The following TASP1 variants were observed in gnomAD, a reference collection of about 807,000 sequenced individuals.
TASP1 encodes the protein threonine aspartase 1.
In TASP1, 16 loss-of-function variants were observed where a neutral mutation model predicts 56.6. The observed-to-expected ratio is 0.28, with a 90% CI of 0.19 to 0.43. The LOEUF (loss-of-function observed/expected upper bound fraction) is 0.43. TASP1 is among the 20% of genes least tolerant of loss of function. The pLI is 1.00. For synonymous variants in TASP1, 179 were observed against 184.2 expected (o/e 0.97, Z 0.23); for missense variants, 393 against 511.6 (o/e 0.77, Z 2.24).
intron 4 of TASP1, among the ~76,000 whole-genome samples, chr20:13,594,371 T>C (rs1254662687): frequency 1.3e-5 from 2 of 152,184 alleles, no homozygotes; most frequent in Non-Finnish European, 2.9e-5. Flanking sequence ...GGATGGAGAA[T>C]GACTTTGAGG....
At chr20:13,299,322 G>A in the TASP1 span, 86 of 1,613,900 alleles carry the variant, frequency 5.3e-5, no homozygotes, top group East Asian at 8.9e-4. This position sits in a 1 kb window ranked among gnomAD's most constrained non-coding sequence, Gnocchi z 5.8. Context: ...CAAGGTGGAC[G>A]TCCTGCCCTG....
the TASP1 span, among the ~76,000 whole-genome samples, chr20:13,361,328 C>T: frequency 0.3 from 44,792 of 151,710 alleles, 7,754 homozygotes; most frequent in African/African-American, 0.48. Context: ...CAGTTTAGCC[C>T]TCCCACCTCA....
chr20:13,155,152 C>T, the TASP1 span, among the ~76,000 whole-genome samples: 1 of 151,890 alleles, frequency 6.6e-6, no homozygotes, highest in Non-Finnish European at 1.5e-5. Context: ...TGCACTCCAG[C>T]CTAGGTGACT....
chr20:13,275,749 G>A, the TASP1 span, among the ~76,000 whole-genome samples: 93 of 152,320 alleles, frequency 6.1e-4, no homozygotes, highest in South Asian at 1.2e-3. Context: ...TTCCTAGAAC[G>A]GATAGATGCT....
chr20:13,288,791 CTTT>C, the TASP1 span: 2 of 965,712 alleles, frequency 2.1e-6, no homozygotes, highest in Non-Finnish European at 3.0e-6. Flanking sequence ...CTTTTCTTTT[CTTT>C]TTTTTTTTGA....
At chr20:13,268,399 T>C in the TASP1 span, among the ~76,000 whole-genome samples, 1 of 101,806 alleles carries the variant, frequency 9.8e-6, no homozygotes. Flanking sequence ...TCTCTCTCTC[T>C]CTCTCCATGC....
intron 4 of TASP1, among the ~76,000 whole-genome samples, chr20:13,619,828 A>G (rs1404877609): frequency 6.6e-6 from 1 of 152,190 alleles, no homozygotes. Flanking sequence ...GATAATCTCA[A>G]AAAAGCTATA....
chr20:13,635,297 C>T (rs565965710), intron 1 of TASP1, among the ~76,000 whole-genome samples: 1 of 152,224 alleles, frequency 6.6e-6, no homozygotes, highest in African/African-American at 2.4e-5. Flanking sequence ...CTCTTGATCA[C>T]CTGCTTTCCT....
the TASP1 span, among the ~76,000 whole-genome samples, chr20:13,198,565 G>A: frequency 1.3e-5 from 2 of 152,150 alleles, no homozygotes; most frequent in South Asian, 2.1e-4. Flanking sequence ...TTTAACATGA[G>A]ATCTACCCTC....
chr20:13,463,049 C>A (rs1211711615), intron 11 of TASP1, among the ~76,000 whole-genome samples: 1 of 151,974 alleles, frequency 6.6e-6, no homozygotes, highest in African/African-American at 2.4e-5. Flanking sequence ...TCTCAGGAGA[C>A]CCCAAATAAC....
intron 10 of TASP1, among the ~76,000 whole-genome samples, chr20:13,525,862 T>C (rs1242197732): frequency 1.3e-5 from 2 of 152,158 alleles, no homozygotes; most frequent in African/African-American, 4.8e-5. Flanking sequence ...GGGCTGATGA[T>C]GGTTAGTCTT....
intron 4 of TASP1, among the ~76,000 whole-genome samples, chr20:13,611,822 A>G (rs548086853): frequency 1.3e-5 from 2 of 152,306 alleles, no homozygotes; most frequent in South Asian, 4.1e-4. Flanking sequence ...ATTTTTGCCA[A>G]GATAATTTAG....
the TASP1 span, among the ~76,000 whole-genome samples, chr20:13,141,768 A>C: frequency 6.6e-6 from 1 of 152,200 alleles, no homozygotes; most frequent in African/African-American, 2.4e-5. Flanking sequence ...AGCAATAGGT[A>C]ATACAAAACA....
intron 10 of TASP1, among the ~76,000 whole-genome samples, chr20:13,493,625 C>T (rs983370095): frequency 2.0e-5 from 3 of 152,134 alleles, no homozygotes; most frequent in Admixed American, 6.5e-5. Flanking sequence ...TTGAGGCTTT[C>T]GGACTCAGAC....
chr20:13,578,928 C>T (rs370126634), intron 6 of TASP1, among the ~76,000 whole-genome samples: 35 of 152,292 alleles, frequency 2.3e-4, no homozygotes, highest in East Asian at 2.1e-3. Flanking sequence ...TATTCTTGTA[C>T]ACTTGTTCCT....
At chr20:13,510,203 A>T (rs2044277214) in intron 10 of TASP1, among the ~76,000 whole-genome samples, 2 of 152,322 alleles carry the variant, frequency 1.3e-5, no homozygotes, top group East Asian at 3.9e-4. Context: ...TACTATGCTA[A>T]TGAAACAGCA....
the TASP1 span, among the ~76,000 whole-genome samples, chr20:13,369,184 G>A: frequency 6.6e-6 from 1 of 152,206 alleles, no homozygotes; most frequent in African/African-American, 2.4e-5. Flanking sequence ...AATGGCTCAA[G>A]CCTGTAATCC....
At chr20:13,163,440 A>G in the TASP1 span, among the ~76,000 whole-genome samples, 1 of 151,852 alleles carries the variant, frequency 6.6e-6, no homozygotes, top group African/African-American at 2.4e-5. Flanking sequence ...TATCTCACAG[A>G]TGCCCCAAAT....
chr20:13,546,759 G>A (rs1449193284), intron 8 of TASP1, among the ~76,000 whole-genome samples: 1 of 152,172 alleles, frequency 6.6e-6, no homozygotes, highest in Non-Finnish European at 1.5e-5. Flanking sequence ...CTTTGGAATG[G>A]CCAGTGGAGA....
Sources: gnomAD v4.1 joint callset for allele counts (sites outside exome capture counted in the v4.1 genomes callset) on GRCh38, gnomAD v4.1.1 for gene constraint, Gnocchi (gnomAD v3.1) non-coding constraint, MANE v1.5 for transcripts, NCBI Gene and HGNC (gene_info 2026-07-23, HGNC 2026-07-21) for gene names.